The following PGR variants were observed in gnomAD, a reference collection of about 807,000 sequenced individuals.
PGR encodes the protein nuclear receptor subfamily 3 group C member 3.
In PGR, 25 loss-of-function variants were observed where a neutral mutation model predicts 76.1. The ratio of observed to expected loss-of-function variants is 0.33; its 90% CI spans 0.24 to 0.46. The LOEUF (loss-of-function observed/expected upper bound fraction) is 0.46, where lower values mean the gene tolerates loss of function less well. Ranked by LOEUF, PGR falls within the 20% of genes least tolerant of loss-of-function variation. PGR has a pLI of 1.00. For missense variants in PGR, 1,172 were observed against 1,225.3 expected (o/e 0.96, Z 0.65); for synonymous variants, 579 against 535.0 (o/e 1.08, Z -1.14).
At chr11:101,047,743 C>T (rs779895470) in intron 6 of PGR, among the ~76,000 whole-genome samples, 2 of 152,106 alleles carry the variant, frequency 1.3e-5, no homozygotes, top group Non-Finnish European at 2.9e-5. Context: ...TCAGTTTGTA[C>T]ATTTGAGGGC....
intron 2 of PGR, among the ~76,000 whole-genome samples, chr11:101,099,998 G>T (rs1047746474): frequency 2.0e-5 from 3 of 152,144 alleles, no homozygotes; most frequent in African/African-American, 7.2e-5. Flanking sequence ...TGCTGAATTG[G>T]GGCAAAGAAG....
rs1489167847 is a variant in PGR, at chr11:101,128,327, C to T, written c.744G>A (p.Ala248=). The T allele has an allele frequency of 1.3e-6, 2 of 1,596,608 alleles. No homozygotes were observed. Among genetic ancestry groups the T allele is most frequent in the South Asian group, 1.1e-5 (1 of 90,494 alleles). Residue 248 remains alanine (A), a synonymous_variant, in exon 1 of 8, where the codon GCG becomes GCA. Coordinates refer to ENST00000325455, the MANE Select transcript of PGR (RefSeq NM_000926.4). ...GGACAGCCGCGGCTCCTCCTCCAGCCGCCGCGCCACCCAGAGCCCGAGGTT... is the reference window on the plus strand; with the variant it reads ...GGACAGCCGCGGCTCCTCCTCCAGCTGCCGCGCCACCCAGAGCCCGAGGTT... ...KGKPRALGGA[A]AGGGAAAVPP... is the part of the protein sequence containing the mutation.
intron 3 of PGR, among the ~76,000 whole-genome samples, chr11:101,064,359 A>AAC: frequency 8.7e-6 from 1 of 114,772 alleles, no homozygotes; most frequent in Non-Finnish European, 1.9e-5. Flanking sequence ...AAAAAAAAAA[A>AAC]AAAAAAAAAA....
rs1184042524 is a variant in PGR, at chr11:101,129,767, C to G, written c.-697G>C. 1.1e-5 allele frequency: 2 copies of G among 179,936 alleles called. No individual in the cohort carries two copies. The highest frequency in any genetic ancestry group is 2.4e-5 in the African/African-American group (1 of 42,472). 11.1% of individuals were successfully genotyped at this position (179,936 alleles called of 1,614,324 possible). A position where few individuals can be genotyped will look rare whatever the true frequency, so the allele number is the denominator to read the frequency against. On this transcript the variant is annotated 5_prime_UTR_variant, in exon 1 of 8. Transcript: ENST00000325455. The stretch of plus-strand genomic sequence containing the variant: ...GTTCTCATTGAGAATGCCACCCACA[C>G]GCACAAATACAACAAGGCTTACCCC...
Position 101,032,471 on chromosome 11 carries a change from T to A in PGR, c.*6645A>T. 4.3e-6 allele frequency: 1 copy of A among 232,786 alleles called. No individual in the cohort carries two copies. 14.4% of individuals were successfully genotyped at this position (232,786 alleles called of 1,614,324 possible). On this transcript the variant is annotated 3_prime_UTR_variant, in exon 8 of 8. Coordinates refer to ENST00000325455, the MANE Select transcript of PGR (RefSeq NM_000926.4). ...ACTGATTATCTAGACCTGGCTTTCTTCTTCAGTCTCATCATCCATCCCCAC... is the reference window on the plus strand; with the variant it reads ...ACTGATTATCTAGACCTGGCTTTCTACTTCAGTCTCATCATCCATCCCCAC...
chr11:101,124,801 C>G (rs1366574368), intron 2 of PGR, among the ~76,000 whole-genome samples: 3 of 152,162 alleles, frequency 2.0e-5, no homozygotes, highest in Non-Finnish European at 4.4e-5. Flanking sequence ...TCAAGTACCA[C>G]TTTTAACACT....
chr11:101,029,715 A>G lies in PGR; in HGVS notation c.*9401T>C. On this transcript the variant is annotated 3_prime_UTR_variant, in exon 8 of 8. Transcript: ENST00000325455. ...TTAAAGAAAACATTATGTGAAGATG[A>G]TTCATTTCAAACCACCAGCCAATTT... 4.7e-6 allele frequency: 1 copy of G among 212,860 alleles called. No homozygotes were observed. Among genetic ancestry groups the G allele is most frequent in the Non-Finnish European group, 9.5e-6 (1 of 105,252 alleles). The allele number at this position is 212,860 out of a possible 1,614,324, so 13.2% of individuals were successfully genotyped here.
intron 2 of PGR, among the ~76,000 whole-genome samples, chr11:101,104,261 C>T (rs1862081076): frequency 6.6e-6 from 1 of 152,100 alleles, no homozygotes; most frequent in Non-Finnish European, 1.5e-5. Context: ...TGCATATGTG[C>T]TCTCTATTCA....
rs1360542589 is a variant in PGR, at chr11:101,032,427, T to C, written c.*6689A>G. The stretch of plus-strand genomic sequence containing the variant: ...ACAACAGAATCAAGTCTACACTCTT[T>C]AACATGGTGTACAAGGCCACTGATT... On this transcript the variant is annotated 3_prime_UTR_variant, in exon 8 of 8. Coordinates refer to ENST00000325455, the MANE Select transcript of PGR (RefSeq NM_000926.4). 1 of 232,486 alleles carries C rather than the reference T, an allele frequency of 4.3e-6. No homozygotes were observed. 14.4% of individuals were successfully genotyped at this position (232,486 alleles called of 1,614,324 possible).
chr11:101,093,431 C>G (rs1237878101), intron 2 of PGR, among the ~76,000 whole-genome samples: 1 of 152,062 alleles, frequency 6.6e-6, no homozygotes, highest in East Asian at 1.9e-4. Context: ...TGATATCTCA[C>G]AAGAAGAGAG....
chr11:101,081,933 T>TA (rs1317386332), intron 3 of PGR, among the ~76,000 whole-genome samples: 1 of 152,226 alleles, frequency 6.6e-6, no homozygotes, highest in Non-Finnish European at 1.5e-5. Flanking sequence ...GTAAATGGTC[T>TA]AAATGCCTGA....
intron 2 of PGR, among the ~76,000 whole-genome samples, chr11:101,093,311 A>ATT (rs1292619892): frequency 1.3e-4 from 19 of 142,590 alleles, no homozygotes; most frequent in African/African-American, 5.5e-4. Flanking sequence ...ATTTGACTCT[A>ATT]ATTTTTTTTT....
chr11:101,055,265 T>C (rs1468800125), intron 4 of PGR, among the ~76,000 whole-genome samples: 1 of 151,566 alleles, frequency 6.6e-6, no homozygotes, highest in East Asian at 1.9e-4. Context: ...ATACAAAAAT[T>C]AGCTAGGTGT....
intron 2 of PGR, among the ~76,000 whole-genome samples, chr11:101,115,928 T>C (rs2135493401): frequency 6.6e-6 from 1 of 152,312 alleles, no homozygotes; most frequent in African/African-American, 2.4e-5. Context: ...GGGCCAATTG[T>C]GTTTCAAAAT....
intron 3 of PGR, among the ~76,000 whole-genome samples, chr11:101,089,020 C>T (rs7114692): frequency 0.01 from 1,546 of 152,136 alleles, 26 homozygotes; most frequent in African/African-American, 0.035. Flanking sequence ...CTGAGGACTA[C>T]TAGAGGAGGA....
intron 3 of PGR, among the ~76,000 whole-genome samples, chr11:101,065,179 G>A (rs9630189): frequency 6.6e-6 from 1 of 152,102 alleles, no homozygotes; most frequent in Non-Finnish European, 1.5e-5. Context: ...TAAGGATAGG[G>A]GCTAGGTCCA....
intron 3 of PGR, among the ~76,000 whole-genome samples, chr11:101,079,025 T>C (rs189785081): frequency 1.7e-4 from 26 of 152,120 alleles, no homozygotes; most frequent in African/African-American, 4.8e-4. Flanking sequence ...TGGATATACA[T>C]TGGGGAAAGG....
intron 6 of PGR, among the ~76,000 whole-genome samples, chr11:101,043,560 A>C (rs1037280427): frequency 6.6e-6 from 1 of 152,192 alleles, no homozygotes; most frequent in Non-Finnish European, 1.5e-5. Context: ...TCCTTTCTAG[A>C]AGGTTTTCAA....
In PGR at chr11:101,127,992, T is replaced by C. The variant is rs377716203; in HGVS notation, c.1079A>G (p.Asp360Gly). The change falls in exon 1 of 8, where the codon GAC becomes GGC. Residue 360 changes from aspartate to glycine, a missense_variant. Physicochemically the swap from Asp to Gly is moderately conservative, Grantham distance 94. This residue lies in a region of PGR where 893 missense variants were observed against 785.9 expected (regional missense o/e 1.14). Transcript: ENST00000325455. ...STPVAVGDFPDCAYPPDAEPK... is the reference protein window; with the variant it reads ...STPVAVGDFPGCAYPPDAEPK... The stretch of plus-strand genomic sequence containing the variant: ...CTCGGCGTCGGGCGGGTACGCGCAG[T>C]CGGGGAAGTCGCCTACAGCGACCGG... The C allele has an allele frequency of 7.6e-5, 122 of 1,611,314 alleles. No homozygotes were observed. The highest frequency in any genetic ancestry group is 9.7e-5 in the Non-Finnish European group (114 of 1,179,840).
Sources: allele counts gnomAD v4.1 joint callset (sites outside exome capture counted in the v4.1 genomes callset), GRCh38; gene constraint gnomAD v4.1.1; regional missense constraint gnomAD v4.1.1; transcripts MANE v1.5; gene names NCBI Gene and HGNC (gene_info 2026-07-23, HGNC 2026-07-21).